The following MAGEL2 variants were observed in gnomAD, a reference collection of about 807,000 sequenced individuals.
The protein encoded by MAGEL2 is MAGE family member L2.
For missense variants in MAGEL2, 1,830 were observed against 1,699.2 expected (o/e 1.08, Z -1.35); for synonymous variants, 792 against 721.7 (o/e 1.10, Z -1.56).
In MAGEL2 at chr15:23,646,689, G is replaced by A. The variant is rs1045111596; in HGVS notation, c.1054C>T (p.Pro352Ser). The change falls in exon 1 of 1, where the codon CCC (proline) becomes TCC (serine). Residue 352 changes from proline to serine, a missense_variant. Coordinates refer to ENST00000650528, the MANE Select transcript of MAGEL2 (RefSeq NM_019066.5). This position sits in a 1 kb window ranked among gnomAD's most constrained non-coding sequence, Gnocchi z 4.2. ...GCTGGGGGTGCCTGCGGGCCCTGGG[G>A]AACCTGCGGAGGAGCCCTTATAACT... ...SQVIRAPPQV[P>S]QGPQAPPAQL... 7.2e-6 allele frequency: 11 copies of A among 1,521,392 alleles called. No individual in the cohort carries two copies. The highest frequency in any genetic ancestry group is 1.7e-4 in the Middle Eastern group (1 of 5,890). The allele number at this position is 1,521,392 out of a possible 1,614,324, so 94.2% of individuals were successfully genotyped here. A position where few individuals can be genotyped will look rare whatever the true frequency, so the allele number is the denominator to read the frequency against.
At position 23,646,636 on chromosome 15, in the gene MAGEL2, C is replaced by A; in HGVS notation, c.1107G>T (p.Gln369His). ...PAQLATPPGW[Q>H]ATSPGWQATQ... is the part of the protein sequence containing the mutation. ...TGGCCTGCCATCCTGGCGAGGTCGC[C>A]TGCCAGCCCGGGGGTGTGGCTAGCT... The change falls in exon 1 of 1, where the codon CAG becomes CAT. Residue 369 changes from glutamine (Q) to histidine (H), a missense_variant. Physicochemically the swap from Gln to His is conservative, Grantham distance 24 (BLOSUM62 0). Coordinates refer to ENST00000650528, the MANE Select transcript of MAGEL2 (RefSeq NM_019066.5). The surrounding 1 kb of genome is among the most constrained non-coding windows in gnomAD (Gnocchi z 4.2). 1 of 1,479,116 alleles carries A rather than the reference C, an allele frequency of 6.8e-7. No homozygotes were observed. 91.6% of individuals were successfully genotyped at this position (1,479,116 alleles called of 1,614,324 possible). A position where few individuals can be genotyped will look rare whatever the true frequency, so the allele number is the denominator to read the frequency against.
At position 23,646,963 on chromosome 15, in the gene MAGEL2, G is replaced by T; in HGVS notation, c.780C>A (p.Val260=). 2.0e-6 allele frequency: 3 copies of T among 1,536,754 alleles called. No homozygotes were observed. The highest frequency in any genetic ancestry group is 2.6e-6 in the Non-Finnish European group (3 of 1,146,842). ...VQPAAPGAPM[V]QPPPAAMMTQ... Reference sequence around the variant, plus strand: ...TCATCATGGCTGCTGGAGGCGGCTGGACCATCGGTGCTCCCGGAGCAGCAG... The same window carrying T: ...TCATCATGGCTGCTGGAGGCGGCTGTACCATCGGTGCTCCCGGAGCAGCAG... Residue 260 remains valine (V), a synonymous_variant, in exon 1 of 1, where the codon GTC becomes GTA. Coordinates refer to ENST00000650528, the MANE Select transcript of MAGEL2 (RefSeq NM_019066.5). The surrounding 1 kb of genome is among the most constrained non-coding windows in gnomAD (Gnocchi z 4.2).
In MAGEL2 at chr15:23,646,388, C is replaced by T. The variant is rs1194131073; in HGVS notation, c.1355G>A (p.Arg452His). 1.4e-6 allele frequency: 2 copies of T among 1,389,924 alleles called. No homozygotes were observed. Among genetic ancestry groups the T allele is most frequent in the South Asian group, 3.3e-5 (2 of 60,062 alleles). The allele number at this position is 1,389,924 out of a possible 1,614,324, so 86.1% of individuals were successfully genotyped here. Residue 452 changes from arginine (R) to histidine (H), a missense_variant, in exon 1 of 1, where the codon CGC (arginine) becomes CAC (histidine). By Grantham distance (29) the Arg-to-His change is conservative. Transcript: ENST00000650528. The surrounding 1 kb of genome is among the most constrained non-coding windows in gnomAD (Gnocchi z 4.2). ...PVIRQAPPVI[R>H]QAPPVIRQAP... is the part of the protein sequence containing the mutation. ...CTGGCGGATCACGGGTGGGGCCTGG[C>T]GGATCACGGGTGGGGCCTGGCGGAT... is the stretch of plus-strand genomic sequence containing the variant.
rs1393734653 is a variant in MAGEL2 at position 23,646,681 on chromosome 15, G to A, written c.1062C>T (p.Gly354=). 4 of 1,517,482 alleles carry A rather than the reference G, an allele frequency of 2.6e-6. No individual in the cohort carries two copies. In the South Asian group the frequency reaches 5.0e-5, roughly 19 times the overall value. The allele number at this position is 1,517,482 out of a possible 1,614,324, so 94.0% of individuals were successfully genotyped here. A position where few individuals can be genotyped will look rare whatever the true frequency, so the allele number is the denominator to read the frequency against. ...VIRAPPQVPQ[G]PQAPPAQLAT... The stretch of plus-strand genomic sequence containing the variant: ...CTAGCTGCGCTGGGGGTGCCTGCGG[G>A]CCCTGGGGAACCTGCGGAGGAGCCC... The change falls in exon 1 of 1, where the codon GGC becomes GGT. Residue 354 remains glycine, a synonymous_variant. Coordinates refer to ENST00000650528, the MANE Select transcript of MAGEL2 (RefSeq NM_019066.5). This position sits in a 1 kb window ranked among gnomAD's most constrained non-coding sequence, Gnocchi z 4.2.
Position 23,646,960 on chromosome 15 carries a change from C to A in MAGEL2, c.783G>T (p.Gln261His). 1.3e-6 allele frequency: 2 copies of A among 1,536,800 alleles called. No homozygotes were observed. The highest frequency in any genetic ancestry group is 1.7e-4 in the Middle Eastern group (1 of 5,990). ...QPAAPGAPMV[Q>H]PPPAAMMTQP... Reference sequence around the variant, plus strand: ...GGGTCATCATGGCTGCTGGAGGCGGCTGGACCATCGGTGCTCCCGGAGCAG... The same window carrying A: ...GGGTCATCATGGCTGCTGGAGGCGGATGGACCATCGGTGCTCCCGGAGCAG... Residue 261 changes from glutamine to histidine, a missense_variant, in exon 1 of 1, where the codon CAG becomes CAT. Gln to His is a conservative substitution (Grantham distance 24). Transcript: ENST00000650528. This position sits in a 1 kb window ranked among gnomAD's most constrained non-coding sequence, Gnocchi z 4.2.
In MAGEL2 at chr15:23,645,390, G is replaced by A. The variant is rs867479796; in HGVS notation, c.2353C>T (p.Pro785Ser). Residue 785 changes from proline to serine, a missense_variant, in exon 1 of 1, where the codon CCC becomes TCC. Coordinates refer to ENST00000650528, the MANE Select transcript of MAGEL2 (RefSeq NM_019066.5). ...NLPATPETFAPSSSVFPATSQ... is the reference protein window; with the variant it reads ...NLPATPETFASSSSVFPATSQ... The stretch of plus-strand genomic sequence containing the variant: ...GTAGCTGGGAAGACACTTGAGGAGG[G>A]AGCAAAGGTCTCCGGTGTGGCAGGC... The A allele has an allele frequency of 6.2e-7, 1 of 1,614,030 alleles. No homozygotes were observed. Among genetic ancestry groups the A allele is most frequent in the Non-Finnish European group, 8.5e-7 (1 of 1,179,896 alleles).
rs1890402071 is a variant in MAGEL2, at chr15:23,646,321, C to A, written c.1422G>T (p.Gln474His). The change falls in exon 1 of 1, where the codon CAG (glutamine) becomes CAT (histidine). Residue 474 changes from glutamine (Q) to histidine (H), a missense_variant. Coordinates refer to ENST00000650528, the MANE Select transcript of MAGEL2 (RefSeq NM_019066.5). This position sits in a 1 kb window ranked among gnomAD's most constrained non-coding sequence, Gnocchi z 4.2. ...VIRQAPPVIRQAPPVIRQAPP... is the reference protein window; with the variant it reads ...VIRQAPPVIRHAPPVIRQAPP... ...GAGCCTGGCGGATCACAGGTGGGGCCTGGCGGATCACAGGTGGGGCCTGGC... is the reference window on the plus strand; with the variant it reads ...GAGCCTGGCGGATCACAGGTGGGGCATGGCGGATCACAGGTGGGGCCTGGC... The A allele has an allele frequency of 2.2e-6, 3 of 1,373,870 alleles. No individual in the cohort carries two copies. The highest frequency in any genetic ancestry group is 2.8e-6 in the Non-Finnish European group (3 of 1,074,612). The allele number at this position is 1,373,870 out of a possible 1,614,324, so 85.1% of individuals were successfully genotyped here.
chr15:23,647,635 G>A lies in MAGEL2; in HGVS notation c.108C>T (p.Ser36=), dbSNP rs1198988631. 5.9e-6 allele frequency: 9 copies of A among 1,536,640 alleles called. No individual in the cohort carries two copies. In the Admixed American group the frequency reaches 1.8e-4, roughly 30 times the overall value. Residue 36 remains serine (S), a synonymous_variant, in exon 1 of 1, where the codon TCC becomes TCT. Transcript: ENST00000650528. ...PTVLMRAPPA[S]SRAPPVPWDP... ...CCCAAGGGACTGGCGGAGCCCGGGAGGAAGCGGGCGGGGCCCGCATCAGAA... is the reference window on the plus strand; with the variant it reads ...CCCAAGGGACTGGCGGAGCCCGGGAAGAAGCGGGCGGGGCCCGCATCAGAA...
Position 23,647,413 on chromosome 15 carries a change from C to A in MAGEL2, c.330G>T (p.Val110=). The A allele has an allele frequency of 1.3e-6, 2 of 1,536,388 alleles. No homozygotes were observed. Among genetic ancestry groups the A allele is most frequent in the East Asian group, 2.4e-5 (1 of 40,868 alleles). The part of the protein sequence containing the change: ...GKPPTPGVLM[V]HPPPPGAPMA... ...TCGGGGCTCCCGGAGGTGGAGGATG[C>A]ACCATCAGGACCCCGGGAGTCGGAG... Residue 110 remains valine (V), a synonymous_variant, in exon 1 of 1, where the codon GTG becomes GTT. Transcript: ENST00000650528.
rs1220967831 is a variant in MAGEL2, at chr15:23,647,376, G to C, written c.367C>G (p.Pro123Ala). 1.4e-5 allele frequency: 22 copies of C among 1,536,934 alleles called. No individual in the cohort carries two copies. The highest frequency in any genetic ancestry group is 1.9e-5 in the Non-Finnish European group (22 of 1,146,826). ...TGCACCATCAGGACTCCCGGGGTCG[G>C]AGGCTGGGCCATCGGGGCTCCCGGA... ...PPPGAPMAQP[P>A]TPGVLMVHPS... Residue 123 changes from proline (P) to alanine (A), a missense_variant, in exon 1 of 1, where the codon CCG (proline) becomes GCG (alanine). Pro to Ala is a conservative substitution (Grantham distance 27). Coordinates refer to ENST00000650528, the MANE Select transcript of MAGEL2 (RefSeq NM_019066.5).
chr15:23,643,614 GAT>G lies in MAGEL2; in HGVS notation c.*377_*378del, dbSNP rs751169727. 8.8e-5 allele frequency: 15 copies of G among 171,028 alleles called. No individual in the cohort carries two copies. Among genetic ancestry groups the G allele is most frequent in the Middle Eastern group, 2.5e-3 (1 of 400 alleles). The allele number at this position is 171,028 out of a possible 1,614,324, so 10.6% of individuals were successfully genotyped here. On this transcript the variant is annotated 3_prime_UTR_variant, in exon 1 of 1. Transcript: ENST00000650528. ...TACTTCTCTGTAGACAGTTTTTACT[GAT>G]GAGTCATTTGAACGTTCAAAGAACA...
Position 23,644,574 on chromosome 15 carries a change from C to T in MAGEL2, c.3169G>A (p.Glu1057Lys). 1 of 1,613,946 alleles carries T rather than the reference C, an allele frequency of 6.2e-7. No individual in the cohort carries two copies. The highest frequency in any genetic ancestry group is 8.5e-7 in the Non-Finnish European group (1 of 1,179,878). ...VKVILREYKD[E>K]CLDIINRANN... ...GCACGGTTGATGATATCTAAGCACT[C>T]ATCTTTATACTCTCGGAGGATGACT... The change falls in exon 1 of 1, where the codon GAG becomes AAG. Residue 1057 changes from glutamate to lysine, a missense_variant. Physicochemically the swap from Glu to Lys is moderately conservative, Grantham distance 56. Transcript: ENST00000650528.
chr15:23,645,967 AC>A lies in MAGEL2; in HGVS notation c.1775del (p.Gly592ValfsTer110). 1 of 1,561,866 alleles carries A rather than the reference AC, an allele frequency of 6.4e-7. No homozygotes were observed. On this transcript the variant is annotated frameshift_variant, in exon 1 of 1. Transcript: ENST00000650528. LOFTEE classifies it low-confidence loss of function (END_TRUNC). ...GAATCTCGTGTGGCACCGGGGGCTG[AC>A]CTTTGGGGGCCTGCCAGATGATGGA... ...CPSIIWQAPK[G>X]QPPVPHEIPT...
In MAGEL2 at chr15:23,646,767, T is replaced by C. The variant is rs1262064617; in HGVS notation, c.976A>G (p.Met326Val). ...AQPMAPPAQP[M>V]ASWAPQAQPL... ...TGAGCCTGCGGGGCCCAAGAAGCCA[T>C]CGGCTGTGCAGGTGGGGCCATCGGC... The change falls in exon 1 of 1, where the codon ATG (methionine) becomes GTG (valine). Residue 326 changes from methionine to valine, a missense_variant. Met to Val is a conservative substitution (Grantham distance 21). Coordinates refer to ENST00000650528, the MANE Select transcript of MAGEL2 (RefSeq NM_019066.5). This position sits in a 1 kb window ranked among gnomAD's most constrained non-coding sequence, Gnocchi z 4.2. 6.5e-7 allele frequency: 1 copy of C among 1,532,688 alleles called. No homozygotes were observed. Among genetic ancestry groups the C allele is most frequent in the East Asian group, 2.5e-5 (1 of 40,748 alleles). 94.9% of individuals were successfully genotyped at this position (1,532,688 alleles called of 1,614,324 possible). A position where few individuals can be genotyped will look rare whatever the true frequency, so the allele number is the denominator to read the frequency against.
At position 23,644,894 on chromosome 15, in the gene MAGEL2, C is replaced by T. The variant is rs1372637645; in HGVS notation, c.2849G>A (p.Ser950Asn). ...PRGLSGWEGPSTSRILSGWEG... is the reference protein window; with the variant it reads ...PRGLSGWEGPNTSRILSGWEG... ...CCAGCCACTCAGGATCCTGGAGGTG[C>T]TAGGGCCCTCCCAACCACTCAGGCC... The change falls in exon 1 of 1, where the codon AGC (serine) becomes AAC (asparagine). Residue 950 changes from serine (S) to asparagine (N), a missense_variant. Physicochemically the swap from Ser to Asn is conservative, Grantham distance 46. Coordinates refer to ENST00000650528, the MANE Select transcript of MAGEL2 (RefSeq NM_019066.5). The T allele has an allele frequency of 8.7e-6, 14 of 1,612,876 alleles. No individual in the cohort carries two copies. The highest frequency in any genetic ancestry group is 1.2e-5 in the Non-Finnish European group (14 of 1,179,874).
chr15:23,645,901 C>T lies in MAGEL2; in HGVS notation c.1842G>A (p.Ala614=), dbSNP rs748814802. The T allele has an allele frequency of 8.9e-6, 14 of 1,572,768 alleles. No homozygotes were observed. The highest frequency in any genetic ancestry group is 2.3e-5 in the South Asian group (2 of 86,122). Residue 614 remains alanine (A), a synonymous_variant, in exon 1 of 1, where the codon GCG becomes GCA. Transcript: ENST00000650528. ...GGGCCTTCTGGGCCTGCCAGGCCAG[C>T]GCCTGTGTCTGCTGCACCTCCTGGA... The part of the protein sequence containing the change: ...MEFQEVQQTQ[A]LAWQAQKAPT...
Position 23,645,730 on chromosome 15 carries a change from C to A in MAGEL2, c.2013G>T (p.Ser671=), listed in dbSNP as rs373471090. Residue 671 remains serine, a synonymous_variant, in exon 1 of 1, where the codon TCG becomes TCT. Coordinates refer to ENST00000650528, the MANE Select transcript of MAGEL2 (RefSeq NM_019066.5). ...IQLPPQQAQA[S]GPQAEVPTLP... ...GTGTGGGCACCTCCGCTTGCGGACC[C>A]GATGCCTGGGCCTGCTGGGGGGGTA... The A allele has an allele frequency of 6.4e-7, 1 of 1,565,478 alleles. No individual in the cohort carries two copies. Among genetic ancestry groups the A allele is most frequent in the South Asian group, 1.2e-5 (1 of 82,392 alleles).
chr15:23,646,374 C>T lies in MAGEL2; in HGVS notation c.1369G>A (p.Val457Met), dbSNP rs1431804565. ...APPVIRQAPP[V>M]IRQAPAVIRQ... ...ATCACAGCGGGGGCCTGGCGGATCA[C>T]GGGTGGGGCCTGGCGGATCACGGGT... Residue 457 changes from valine (V) to methionine (M), a missense_variant, in exon 1 of 1, where the codon GTG becomes ATG. Transcript: ENST00000650528. The surrounding 1 kb of genome is among the most constrained non-coding windows in gnomAD (Gnocchi z 4.2). 8 of 1,363,618 alleles carry T rather than the reference C, an allele frequency of 5.9e-6. No individual in the cohort carries two copies. The highest frequency in any genetic ancestry group is 1.6e-5 in the African/African-American group (1 of 60,930). The allele number at this position is 1,363,618 out of a possible 1,614,324, so 84.5% of individuals were successfully genotyped here.
At position 23,644,713 on chromosome 15, in the gene MAGEL2, G is replaced by A. The variant is rs1566783564; in HGVS notation, c.3030C>T (p.Ser1010=). 6.2e-7 allele frequency: 1 copy of A among 1,613,846 alleles called. No homozygotes were observed. Residue 1010 remains serine, a synonymous_variant, in exon 1 of 1, where the codon TCC becomes TCT. Coordinates refer to ENST00000650528, the MANE Select transcript of MAGEL2 (RefSeq NM_019066.5). The stretch of plus-strand genomic sequence containing the variant: ...GAGACAAGGGCTGTGCCTCCACCTT[G>A]GAATTATCCTGGGTGGCACTGGATC... The part of the protein sequence containing the change: ...SPGSSATQDN[S]KVEAQPLSPL...
Sources: gnomAD v4.1 joint callset for allele counts on GRCh38, gnomAD v4.1.1 for gene constraint, Gnocchi (gnomAD v3.1) non-coding constraint, MANE v1.5 for transcripts, NCBI Gene and HGNC (gene_info 2026-07-23, HGNC 2026-07-21) for gene names.